The following PIGB variants were observed in gnomAD, a reference collection of about 807,000 sequenced individuals.
PIGB encodes phosphatidylinositol glycan anchor biosynthesis class B.
A neutral mutation model predicts 68.4 loss-of-function variants in PIGB; 58 were observed. The observed-to-expected ratio is 0.85, with a 90% confidence interval of 0.69 to 1.06. The LOEUF (loss-of-function observed/expected upper bound fraction) is 1.06. PIGB is among the 50% of genes least tolerant of loss of function. PIGB has a pLI of 0.00. For missense variants in PIGB, 634 were observed against 655.8 expected (o/e 0.97, Z 0.36); for synonymous variants, 219 against 220.5 (o/e 0.99, Z 0.06).
At chr15:55,334,085 A>G in intron 6 of PIGB, 78 bp downstream of exon 6, 1 of 1,051,426 alleles carries the variant, frequency 9.5e-7, no homozygotes, top group South Asian at 2.1e-5. Flanking sequence ...TACATCTTTC[A>G]GTTAATTATT....
At chr15:55,322,357 C>T (rs1228698831) in intron 3 of PIGB, among the ~76,000 whole-genome samples, 1 of 152,158 alleles carries the variant, frequency 6.6e-6, no homozygotes, top group Non-Finnish European at 1.5e-5. Flanking sequence ...TCTGCATAAT[C>T]ATCGTCCTAT....
chr15:55,329,899 T>A (rs2055375586), intron 5 of PIGB, 45 bp downstream of exon 5: 4 of 1,411,542 alleles, frequency 2.8e-6, no homozygotes, highest in African/African-American at 2.9e-5. Flanking sequence ...ATTCTACTTT[T>A]GAAAAATCTT....
At chr15:55,337,555 A>G (rs2055565510) in intron 6 of PIGB, among the ~76,000 whole-genome samples, 2 of 152,214 alleles carry the variant, frequency 1.3e-5, no homozygotes, top group South Asian at 4.1e-4. Context: ...AGTTTCATCC[A>G]GAAACCATGC....
intron 8 of PIGB, among the ~76,000 whole-genome samples, chr15:55,341,100 G>A (rs2055661213): frequency 6.6e-6 from 1 of 151,512 alleles, no homozygotes; most frequent in Non-Finnish European, 1.5e-5. Flanking sequence ...AGTTGCTCAT[G>A]CCTGTAATTT....
chr15:55,326,849 TA>T (rs1446422276), intron 3 of PIGB, among the ~76,000 whole-genome samples: 1 of 151,646 alleles, frequency 6.6e-6, no homozygotes, highest in Admixed American at 6.6e-5. Context: ...AATAAATAAA[TA>T]AAACAGAAAC....
At chr15:55,351,878 A>T (rs1437175268) in intron 10 of PIGB, 6 of 148,952 alleles carry the variant, frequency 4.0e-5, no homozygotes, top group African/African-American at 1.3e-4. Flanking sequence ...GTCTCCAAAA[A>T]AAAAAAAAAA....
chr15:55,320,144 G>A, intron 1 of PIGB, 131 bp from the exon 2 acceptor site: 1 of 641,334 alleles, frequency 1.6e-6, no homozygotes, highest in South Asian at 3.4e-5. Flanking sequence ...TTGGCTTTAA[G>A]AATGGTGTGG....
At chr15:55,349,307 C>A (rs1566959405) in intron 9 of PIGB, among the ~76,000 whole-genome samples, 2 of 151,910 alleles carry the variant, frequency 1.3e-5, no homozygotes, top group Admixed American at 1.3e-4. Context: ...CTCAGCCTTC[C>A]CAGTAGCTGG....
At chr15:55,337,289 C>T (rs1744787344) in intron 6 of PIGB, among the ~76,000 whole-genome samples, 1 of 152,150 alleles carries the variant, frequency 6.6e-6, no homozygotes, top group Non-Finnish European at 1.5e-5. Flanking sequence ...CTTACAAAAG[C>T]TAAATAAATA....
intron 10 of PIGB, among the ~76,000 whole-genome samples, chr15:55,351,132 G>A (rs1315183403): frequency 2.1e-5 from 3 of 140,566 alleles, no homozygotes; most frequent in Admixed American, 7.2e-5. Flanking sequence ...TTTTTGAGAC[G>A]GAGTCTGTTC....
At chr15:55,350,972 C>T in intron 10 of PIGB, 60 bp downstream of exon 10, 1 of 821,650 alleles carries the variant, frequency 1.2e-6, no homozygotes, top group Non-Finnish European at 1.9e-6. Flanking sequence ...CTTTAAAATT[C>T]CCTTTCAGAT....
intron 1 of PIGB, chr15:55,319,801 T>C (rs1368899581): frequency 5.4e-6 from 1 of 184,148 alleles, no homozygotes; most frequent in Non-Finnish European, 1.1e-5. Flanking sequence ...TAATATTGTT[T>C]GGAGGATTAA....
chr15:55,331,725 T>G (rs1457605594), intron 5 of PIGB, among the ~76,000 whole-genome samples: 1 of 151,620 alleles, frequency 6.6e-6, no homozygotes, highest in African/African-American at 2.4e-5. Flanking sequence ...AAAAAAAAAT[T>G]TGTGGAGATG....
intron 10 of PIGB, among the ~76,000 whole-genome samples, chr15:55,351,412 C>T (rs2055919652): frequency 6.6e-6 from 1 of 151,824 alleles, no homozygotes; most frequent in Non-Finnish European, 1.5e-5. Flanking sequence ...CGGCCGTAAA[C>T]TTTATTATTC....
intron 9 of PIGB, among the ~76,000 whole-genome samples, chr15:55,343,919 G>A (rs1401105585): frequency 6.6e-6 from 1 of 152,140 alleles, no homozygotes; most frequent in Non-Finnish European, 1.5e-5. Context: ...GATCAGTTCT[G>A]TCTAGTGATG....
intron 9 of PIGB, 57 bp downstream of exon 9, chr15:55,341,859 C>T (rs369147147): frequency 3.0e-6 from 2 of 676,274 alleles, no homozygotes; most frequent in East Asian, 3.3e-5. Flanking sequence ...CTAAAGACAA[C>T]ACATCCTCAT....
chr15:55,329,773 C>T lies in PIGB; in HGVS notation c.572C>T (p.Thr191Ile). The T allele has an allele frequency of 6.2e-7, 1 of 1,609,618 alleles. No homozygotes were observed. The highest frequency in any genetic ancestry group is 1.7e-5 in the Admixed American group (1 of 59,982). ...TTCACATGGTATTGCTGTACCAGAA[C>T]CCTTACAAACACCATGGAAACTGTT... Reference protein sequence around the residue: ...SWFTWYCCTRTLTNTMETVLT... With the variant: ...SWFTWYCCTRILTNTMETVLT... The change falls in exon 5 of 12, where the codon ACC (threonine) becomes ATC (isoleucine). Residue 191 changes from threonine to isoleucine, a missense_variant. Physicochemically the swap from Thr to Ile is moderately conservative, Grantham distance 89 (BLOSUM62 -1). Transcript: ENST00000164305.
intron 9 of PIGB, chr15:55,346,453 A>G (rs1361707323): frequency 6.6e-6 from 1 of 152,218 alleles, no homozygotes; most frequent in Admixed American, 6.5e-5. Context: ...AACTATTGTT[A>G]TCACTTTCTT....
At chr15:55,343,380 C>T (rs2055716542) in intron 9 of PIGB, 1 of 152,128 alleles carries the variant, frequency 6.6e-6, no homozygotes, top group Non-Finnish European at 1.5e-5. Context: ...TTTTTTACAG[C>T]CACTTGAGTG....
Sources: gnomAD v4.1 joint callset for allele counts (sites outside exome capture counted in the v4.1 genomes callset) on GRCh38, gnomAD v4.1.1 for gene constraint, MANE v1.5 for transcripts, NCBI Gene and HGNC (gene_info 2026-07-23, HGNC 2026-07-21) for gene names.